Variants in DLGAP1 observed in about 807,000 individuals in gnomAD.
DLGAP1 encodes disks large-associated protein 1.
In DLGAP1, 11 loss-of-function variants were observed where a neutral mutation model predicts 90.8. The observed-to-expected ratio is 0.12, with a 90% confidence interval of 0.08 to 0.20. DLGAP1 has a LOEUF of 0.20. DLGAP1 is among the 10% of genes least tolerant of loss of function. The probability of loss-of-function intolerance (pLI) is 1.00; values close to 1 mark genes in which losing one functional copy is unlikely to be tolerated. For synonymous variants in DLGAP1, 558 were observed against 540.7 expected, an observed-to-expected ratio of 1.03 and a Z score of -0.44; for missense variants, 1,050 against 1,333.8, an observed-to-expected ratio of 0.79 and a Z score of 3.31.
chr18:3,635,110 C>G (rs2058650573), intron 7 of DLGAP1, among the ~76,000 whole-genome samples: 1 of 150,942 alleles, frequency 6.6e-6, no homozygotes, highest in East Asian at 1.9e-4. Flanking sequence ...ACAAACTAGT[C>G]AAGAGTCTGG....
chr18:4,068,045 T>C (rs2075394996), intron 2 of DLGAP1, among the ~76,000 whole-genome samples: 2 of 152,078 alleles, frequency 1.3e-5, no homozygotes, highest in Non-Finnish European at 2.9e-5. Flanking sequence ...TAATATGTAT[T>C]ACACTTATAT....
intron 1 of DLGAP1, among the ~76,000 whole-genome samples, chr18:4,160,002 T>C (rs1205866040): frequency 6.6e-6 from 1 of 152,224 alleles, no homozygotes; most frequent in African/African-American, 2.4e-5. Context: ...GATTTTGGGA[T>C]CCTCCATGAA....
intron 1 of DLGAP1, among the ~76,000 whole-genome samples, chr18:4,164,905 A>C (rs1376660441): frequency 6.6e-6 from 1 of 152,210 alleles, no homozygotes; most frequent in African/African-American, 2.4e-5. Context: ...AACAGAACAC[A>C]GAATCGATGA....
At chr18:3,814,613 G>A (rs965173021) in intron 4 of DLGAP1, among the ~76,000 whole-genome samples, 2 of 151,880 alleles carry the variant, frequency 1.3e-5, no homozygotes, top group African/African-American at 2.4e-5. Flanking sequence ...TGCCCGCCTC[G>A]GCCTCCCAAA....
intron 2 of DLGAP1, among the ~76,000 whole-genome samples, chr18:4,134,296 C>A (rs191799140): frequency 6.6e-6 from 1 of 152,042 alleles, no homozygotes; most frequent in African/African-American, 2.4e-5. Flanking sequence ...TTTCAAGCCA[C>A]AATCCTTCTC....
chr18:4,122,208 T>C (rs2144118535), intron 2 of DLGAP1, among the ~76,000 whole-genome samples: 1 of 152,272 alleles, frequency 6.6e-6, no homozygotes, highest in South Asian at 2.1e-4. Flanking sequence ...AGTGTATTTA[T>C]AACCAGGAAA....
intron 7 of DLGAP1, among the ~76,000 whole-genome samples, chr18:3,636,866 A>C (rs762732933): frequency 1.1e-4 from 16 of 150,716 alleles, no homozygotes; most frequent in Non-Finnish European, 2.1e-4. Context: ...CTGGGACTAC[A>C]GGTGCACACC....
chr18:4,199,545 T>C (rs1414184287), intron 1 of DLGAP1, among the ~76,000 whole-genome samples: 1 of 152,202 alleles, frequency 6.6e-6, no homozygotes, highest in Non-Finnish European at 1.5e-5. Flanking sequence ...CATGTTAATA[T>C]CTTCTGGCAT....
At chr18:4,161,730 C>T (rs553255774) in intron 1 of DLGAP1, among the ~76,000 whole-genome samples, 69 of 152,288 alleles carry the variant, frequency 4.5e-4, no homozygotes, top group African/African-American at 1.6e-3. Flanking sequence ...GGTTCCACTG[C>T]CACAAAATGT....
chr18:4,021,680 C>T (rs187680929), intron 2 of DLGAP1, among the ~76,000 whole-genome samples: 245 of 152,250 alleles, frequency 1.6e-3, no homozygotes, highest in Non-Finnish European at 2.1e-3. Flanking sequence ...TCACTACAAC[C>T]TCCGCCTCCT....
chr18:4,448,228 C>T (rs898036191), intron 1 of DLGAP1, among the ~76,000 whole-genome samples: 1 of 152,174 alleles, frequency 6.6e-6, no homozygotes, highest in African/African-American at 2.4e-5. Context: ...AAAATAAGTA[C>T]ATTTGAGCAC....
intron 6 of DLGAP1, among the ~76,000 whole-genome samples, chr18:3,734,103 A>T (rs1177640093): frequency 2.6e-5 from 4 of 152,174 alleles, no homozygotes; most frequent in African/African-American, 9.7e-5. Context: ...AGGAGAGTTT[A>T]AAAAAATCAT....
Position 3,629,963 on chromosome 18 carries a change from T to C in DLGAP1, c.1592-47715A>G, listed in dbSNP as rs114364677. Among the ~76,000 whole-genome samples, 633 of 152,342 alleles carry C rather than the reference T, an allele frequency of 4.2e-3. 6 individuals carry two copies. Among genetic ancestry groups the C allele is most frequent in the African/African-American group, 0.015 (610 of 41,576 alleles). ...ATATCATTTTGGGAAGCTTTATTGT[T>C]TGGCCTTTCACATTTAGGTCTTAAA... is the stretch of plus-strand genomic sequence containing the variant. On this transcript the variant is annotated intron_variant, in intron 7 of 12. Coordinates refer to ENST00000315677, the MANE Select transcript of DLGAP1 (RefSeq NM_004746.4).
chr18:3,897,978 T>C (rs989201922), intron 3 of DLGAP1, among the ~76,000 whole-genome samples: 3 of 151,410 alleles, frequency 2.0e-5, no homozygotes, highest in Non-Finnish European at 2.9e-5. Context: ...GTATTTTTAG[T>C]AGAGACGGGG....
At chr18:4,067,711 T>C (rs1041928627) in intron 2 of DLGAP1, among the ~76,000 whole-genome samples, 1 of 152,040 alleles carries the variant, frequency 6.6e-6, no homozygotes, top group Non-Finnish European at 1.5e-5. Context: ...TTCTATTGAT[T>C]CCAGGTCTTT....
intron 2 of DLGAP1, among the ~76,000 whole-genome samples, chr18:4,108,525 C>G (rs1208264168): frequency 7.7e-6 from 1 of 129,622 alleles, no homozygotes; most frequent in African/African-American, 3.3e-5. Context: ...TCTCCCATAC[C>G]CTGTATTACA....
At chr18:4,179,633 ACT>A (rs2077173987) in intron 1 of DLGAP1, among the ~76,000 whole-genome samples, 1 of 152,026 alleles carries the variant, frequency 6.6e-6, no homozygotes, top group Admixed American at 6.6e-5. Flanking sequence ...GTTATCCTAG[ACT>A]CTCACATTTA....
intron 9 of DLGAP1, among the ~76,000 whole-genome samples, chr18:3,540,364 G>T (rs2052619566): frequency 6.6e-6 from 1 of 150,816 alleles, no homozygotes; most frequent in South Asian, 2.1e-4. Context: ...CTACTCGGGA[G>T]GCTAAGGCAC....
chr18:4,251,590 T>C (rs1277022727), intron 1 of DLGAP1, among the ~76,000 whole-genome samples: 2 of 152,188 alleles, frequency 1.3e-5, no homozygotes, highest in Non-Finnish European at 2.9e-5. Context: ...CCAGTGAAAA[T>C]AGAGTATGTG....
Sources: allele counts gnomAD v4.1 joint callset (sites outside exome capture counted in the v4.1 genomes callset), GRCh38; gene constraint gnomAD v4.1.1; transcripts MANE v1.5; gene names NCBI Gene and HGNC (gene_info 2026-07-23, HGNC 2026-07-21).